Variants in CDH12 observed in about 807,000 individuals in gnomAD.
CDH12 encodes the protein cadherin 12.
A neutral mutation model predicts 74.1 loss-of-function variants in CDH12; 41 were observed. The observed-to-expected ratio is 0.55, with a 90% CI of 0.43 to 0.72. The LOEUF (loss-of-function observed/expected upper bound fraction) is 0.72, where lower values mean the gene tolerates loss of function less well. CDH12 is among the 30% of genes least tolerant of loss of function. The pLI is 0.00. For missense variants in CDH12, 945 were observed against 977.2 expected, an observed-to-expected ratio of 0.97 and a Z score of 0.44; for synonymous variants, 399 against 355.0, an observed-to-expected ratio of 1.12 and a Z score of -1.39.
chr5:22,775,962 C>T (rs1438092155), intron 1 of CDH12, among the ~76,000 whole-genome samples: 1 of 151,982 alleles, frequency 6.6e-6, no homozygotes, highest in Non-Finnish European at 1.5e-5. Flanking sequence ...CCACTTTTGC[C>T]TCTTCCTCAT....
intron 3 of CDH12, among the ~76,000 whole-genome samples, chr5:22,252,440 T>A (rs1046741915): frequency 6.6e-6 from 1 of 152,034 alleles, no homozygotes; most frequent in African/African-American, 2.4e-5. Flanking sequence ...AACACTTGCT[T>A]TGTGGAATAA....
At chr5:22,176,405 T>G (rs1490506769) in intron 4 of CDH12, among the ~76,000 whole-genome samples, 1 of 152,036 alleles carries the variant, frequency 6.6e-6, no homozygotes, top group Admixed American at 6.6e-5. Context: ...TTTAAATAGC[T>G]GTGTTCAGAT....
At chr5:22,001,689 C>T (rs1736611252) in intron 5 of CDH12, among the ~76,000 whole-genome samples, 2 of 151,868 alleles carry the variant, frequency 1.3e-5, no homozygotes, top group South Asian at 2.1e-4. Flanking sequence ...TCTTTGTATC[C>T]ACCTGTACTC....
chr5:22,300,711 T>C (rs941572335), intron 3 of CDH12, among the ~76,000 whole-genome samples: 4 of 152,244 alleles, frequency 2.6e-5, no homozygotes, highest in Non-Finnish European at 5.9e-5. Flanking sequence ...AACTGATTTT[T>C]GGATTTAGTG....
At chr5:22,510,168 T>C (rs1309253921) in intron 1 of CDH12, among the ~76,000 whole-genome samples, 2 of 152,156 alleles carry the variant, frequency 1.3e-5, no homozygotes, top group Non-Finnish European at 2.9e-5. Flanking sequence ...ATGGAAGGAA[T>C]GTAAACTATA....
At position 21,975,152 on chromosome 5, in the gene CDH12, A is replaced by G; in HGVS notation, c.465T>C (p.Asp155=). 7 of 1,597,228 alleles carry G rather than the reference A, an allele frequency of 4.4e-6. No homozygotes were observed. The highest frequency in any genetic ancestry group is 5.1e-6 in the Non-Finnish European group (6 of 1,179,540). ...GTCCATCCAAAAACTTTGGCTCATT[A>G]TCATTAATATCCTGCACTTTGATGA... ...EFIIKVQDIN[D]NEPKFLDGPY... Residue 155 remains aspartate, a synonymous_variant, in exon 6 of 15, where the codon GAT becomes GAC. Transcript: ENST00000382254.
intron 3 of CDH12, among the ~76,000 whole-genome samples, chr5:22,335,740 A>G (rs1380219827): frequency 6.6e-6 from 1 of 152,168 alleles, no homozygotes; most frequent in East Asian, 1.9e-4. Context: ...GAGTCCAATT[A>G]AACTCCTTTC....
chr5:22,222,895 G>A (rs1473740350), intron 3 of CDH12, among the ~76,000 whole-genome samples: 2 of 151,890 alleles, frequency 1.3e-5, no homozygotes, highest in Non-Finnish European at 2.9e-5. Context: ...TAACCCTTTT[G>A]TAACTAATCT....
chr5:22,227,388 T>G (rs1347735000), intron 3 of CDH12, among the ~76,000 whole-genome samples: 1 of 152,140 alleles, frequency 6.6e-6, no homozygotes, highest in East Asian at 1.9e-4. Flanking sequence ...ATAAGTTGTC[T>G]TTTAAGATAG....
chr5:22,562,273 C>G (rs1160823575), intron 1 of CDH12, among the ~76,000 whole-genome samples: 2 of 151,932 alleles, frequency 1.3e-5, no homozygotes, highest in Non-Finnish European at 1.5e-5. Flanking sequence ...GCCGAGATCC[C>G]GCCACTGCAC....
chr5:22,023,594 C>T (rs931441613), intron 5 of CDH12, among the ~76,000 whole-genome samples: 36 of 149,586 alleles, frequency 2.4e-4, no homozygotes, highest in African/African-American at 8.8e-4. Flanking sequence ...TATATATATA[C>T]ACACACACAA....
At position 22,335,589 on chromosome 5, in the gene CDH12, GA is replaced by G. The variant is rs112964473; in HGVS notation, c.-333+69667del. The stretch of plus-strand genomic sequence containing the variant: ...GACAGAGTAAGACTCCATCTCAAAA[GA>G]AAAAAAAAAACAAAAACAAAAACAA... On this transcript the variant is annotated intron_variant, in intron 3 of 14. Coordinates refer to ENST00000382254, the MANE Select transcript of CDH12 (RefSeq NM_004061.5). Among the ~76,000 whole-genome samples, 930 of 141,010 alleles carry G rather than the reference GA, an allele frequency of 6.6e-3. 2 individuals carry two copies. The highest frequency in any genetic ancestry group is 0.01 in the Non-Finnish European group (646 of 64,250). 92.5% of individuals were successfully genotyped at this position (141,010 alleles called of 152,430 possible). A position where few individuals can be genotyped will look rare whatever the true frequency, so the allele number is the denominator to read the frequency against.
At chr5:22,669,208 A>G (rs1235059361) in intron 1 of CDH12, among the ~76,000 whole-genome samples, 1 of 152,192 alleles carries the variant, frequency 6.6e-6, no homozygotes, top group South Asian at 2.1e-4. Flanking sequence ...TTAATTTTGC[A>G]GCCTGTAATA....
rs559490297 is a variant in CDH12, at chr5:22,633,795, T to C, written c.-522-128431A>G. On this transcript the variant is annotated intron_variant, in intron 1 of 14. Transcript: ENST00000382254. Reference sequence around the variant, plus strand: ...TCTCCAGCTCACAGAAGGCAGATTCTGGGACTTCTCAACTTCTACAATTGC... The same window carrying C: ...TCTCCAGCTCACAGAAGGCAGATTCCGGGACTTCTCAACTTCTACAATTGC... 2.0e-5 allele frequency among the ~76,000 whole-genome samples: 3 copies of C among 152,324 alleles called. No individual in the cohort carries two copies. The South Asian group carries it at 6.2e-4, about 32-fold the overall frequency.
chr5:22,152,110 C>T (rs568549787), intron 4 of CDH12: 3 of 152,060 alleles, frequency 2.0e-5, no homozygotes, highest in Admixed American at 2.0e-4. Flanking sequence ...ATAGCCCATC[C>T]GTACTACCAG....
rs149492806 is a variant in CDH12 at position 21,903,561 on chromosome 5, G to A, written c.527-48771C>T. On this transcript the variant is annotated intron_variant, in intron 6 of 14. Transcript: ENST00000382254. ...GACACCAGCCTTAGCTGTCAGACAG[G>A]TCTCATCTTAATTCTGAAAACAGAA... 4.3e-3 allele frequency among the ~76,000 whole-genome samples: 660 copies of A among 152,128 alleles called. 9 individuals carry two copies. Among genetic ancestry groups the A allele is most frequent in the African/African-American group, 0.016 (645 of 41,508 alleles).
At chr5:22,681,657 C>T (rs1169509483) in intron 1 of CDH12, among the ~76,000 whole-genome samples, 2 of 152,026 alleles carry the variant, frequency 1.3e-5, no homozygotes, top group African/African-American at 2.4e-5. Flanking sequence ...ACATTCGTCC[C>T]TTCCAAAGAT....
At chr5:22,556,621 AT>A (rs1409320739) in intron 1 of CDH12, among the ~76,000 whole-genome samples, 1 of 152,046 alleles carries the variant, frequency 6.6e-6, no homozygotes, top group African/African-American at 2.4e-5. Context: ...ACGTTAAATA[AT>A]TTTTAAATGT....
chr5:22,174,777 T>C (rs1749236618), intron 4 of CDH12, among the ~76,000 whole-genome samples: 1 of 151,932 alleles, frequency 6.6e-6, no homozygotes, highest in African/African-American at 2.4e-5. Flanking sequence ...TCACCAATGA[T>C]AAAAAGTTGC....
Sources: gnomAD v4.1 joint callset for allele counts (sites outside exome capture counted in the v4.1 genomes callset) on GRCh38, gnomAD v4.1.1 for gene constraint, MANE v1.5 for transcripts, NCBI Gene and HGNC (gene_info 2026-07-23, HGNC 2026-07-21) for gene names.